DAB2IP: variants seen among roughly 807,000 people sequenced by gnomAD.
DAB2IP encodes the protein DAB2 interacting protein, also known as disabled homolog 2-interacting protein.
Under a neutral mutation model 107.2 loss-of-function variants are expected in DAB2IP, and 28 were observed. That is an observed-to-expected ratio of 0.26 (90% CI 0.19 to 0.36). The LOEUF (loss-of-function observed/expected upper bound fraction) is 0.36. Among genes scored for constraint, DAB2IP ranks in the 10% least tolerant of loss-of-function variants. DAB2IP has a pLI of 1.00. For synonymous variants in DAB2IP, 755 were observed against 706.4 expected (o/e 1.07, Z -1.09); for missense variants, 1,400 against 1,644.7 (o/e 0.85, Z 2.57).
chr9:121,712,610 T>A (rs902250749), intron 3 of DAB2IP, among the ~76,000 whole-genome samples: 2 of 152,160 alleles, frequency 1.3e-5, no homozygotes, highest in African/African-American at 4.8e-5. Context: ...TGTCTCCCTT[T>A]CATGCTAGAA....
chr9:121,753,307 C>T (rs1485403494), intron 3 of DAB2IP, among the ~76,000 whole-genome samples: 5 of 152,192 alleles, frequency 3.3e-5, no homozygotes, highest in African/African-American at 4.8e-5. Context: ...GGTGCCACCT[C>T]GCCTAGGGGA....
chr9:121,766,742 C>T lies in DAB2IP; in HGVS notation c.1697+12C>T, dbSNP rs1276088373. ...GCCAACTTTGCCAAGTGAGTGCCTC[C>T]TCCCTCACCAGGCAGAGTTGGGCAG... On this transcript the variant is annotated intron_variant, in intron 9 of 15. Coordinates refer to ENST00000408936, the Ensembl canonical transcript of DAB2IP. The T allele has an allele frequency of 1.9e-6, 3 of 1,613,276 alleles. No individual in the cohort carries two copies. Among genetic ancestry groups the T allele is most frequent in the African/African-American group, 1.3e-5 (1 of 75,032 alleles).
At chr9:121,668,907 C>CTTTTTTT (rs377320590) in intron 1 of DAB2IP, among the ~76,000 whole-genome samples, 17 of 72,146 alleles carry the variant, frequency 2.4e-4, no homozygotes, top group Non-Finnish European at 3.2e-4. Context: ...GTAAGCCTTA[C>CTTTTTTT]TTTTTTTTTT....
Position 121,725,180 on chromosome 9 carries a change from T to C in DAB2IP, c.362+25722T>C, listed in dbSNP as rs187603085. Among the ~76,000 whole-genome samples, 3 of 152,270 alleles carry C rather than the reference T, an allele frequency of 2.0e-5. 1 individual carries two copies. The highest frequency in any genetic ancestry group is 2.0e-4 in the Admixed American group (3 of 15,292). On this transcript the variant is annotated intron_variant, in intron 3 of 15. Transcript: ENST00000408936. ...GTGTGTGTGCGCGCGTGTGTATGTG[T>C]GTGTGTGTCCAGCCTTGCTGTTTGC... is the stretch of plus-strand genomic sequence containing the variant.
intron 1 of DAB2IP, among the ~76,000 whole-genome samples, chr9:121,621,984 C>CTTTTTTTTTTTTT (rs1202929145): frequency 7.0e-5 from 7 of 99,716 alleles, no homozygotes; most frequent in African/African-American, 8.6e-5. Flanking sequence ...TTTTTTCTTT[C>CTTTTTTTTTTTTT]TTTTTTTTTT....
chr9:121,750,177 G>A lies in DAB2IP; in HGVS notation c.363-6836G>A, dbSNP rs78290280. Among the ~76,000 whole-genome samples, 1,375 of 152,280 alleles carry A rather than the reference G, an allele frequency of 9.0e-3. 23 individuals carry two copies. The highest frequency in any genetic ancestry group is 0.031 in the African/African-American group (1,292 of 41,542). On this transcript the variant is annotated intron_variant, in intron 3 of 15. Transcript: ENST00000408936. ...TGGGGAAACTGAGTCCTAGAGAGTC[G>A]AATGACTTAAAGTATCCAAGGTTGT...
chr9:121,749,408 G>A (rs1427762369), intron 3 of DAB2IP, among the ~76,000 whole-genome samples: 3 of 152,240 alleles, frequency 2.0e-5, no homozygotes, highest in Non-Finnish European at 4.4e-5. Flanking sequence ...TGATTGGCAT[G>A]TTCTGACCTG....
intron 1 of DAB2IP, among the ~76,000 whole-genome samples, chr9:121,592,075 C>G (rs1269133271): frequency 6.6e-6 from 1 of 152,106 alleles, no homozygotes; most frequent in South Asian, 2.1e-4. Flanking sequence ...TTAGGAAATA[C>G]TGCAGATCTG....
intron 1 of DAB2IP, among the ~76,000 whole-genome samples, chr9:121,669,977 A>G (rs1238650499): frequency 6.6e-6 from 1 of 152,158 alleles, no homozygotes; most frequent in Non-Finnish European, 1.5e-5. Flanking sequence ...TCATGTATGT[A>G]GATTTGAGTA....
chr9:121,626,555 C>G (rs1361424143), intron 1 of DAB2IP, among the ~76,000 whole-genome samples: 1 of 151,520 alleles, frequency 6.6e-6, no homozygotes, highest in African/African-American at 2.4e-5. Flanking sequence ...TCCCGAGTAG[C>G]TGGGATTACA....
chr9:121,738,848 C>T (rs1046210719), intron 3 of DAB2IP, among the ~76,000 whole-genome samples: 1 of 152,224 alleles, frequency 6.6e-6, no homozygotes, highest in African/African-American at 2.4e-5. Context: ...CAGACCCTCT[C>T]TTAAGACACA....
intron 1 of DAB2IP, among the ~76,000 whole-genome samples, chr9:121,586,863 T>C (rs1266343940): frequency 6.6e-6 from 1 of 152,084 alleles, no homozygotes; most frequent in African/African-American, 2.4e-5. Flanking sequence ...ATCATCTTAA[T>C]ACAGGAAATT....
intron 1 of DAB2IP, among the ~76,000 whole-genome samples, chr9:121,644,993 G>A (rs972460559): frequency 2.0e-5 from 3 of 152,250 alleles, no homozygotes; most frequent in African/African-American, 7.2e-5. Flanking sequence ...AGGCAGGCCT[G>A]CTTGAGAAGG....
chr9:121,768,880 C>T (rs909146851), intron 10 of DAB2IP, among the ~76,000 whole-genome samples: 12 of 152,214 alleles, frequency 7.9e-5, no homozygotes, highest in African/African-American at 2.9e-4. Context: ...CGCATGCACT[C>T]AGCCTTTAGT....
intron 11 of DAB2IP, among the ~76,000 whole-genome samples, chr9:121,771,545 G>T (rs1307499664): frequency 1.3e-5 from 2 of 152,146 alleles, no homozygotes; most frequent in African/African-American, 4.8e-5. Flanking sequence ...CTTGCATTGG[G>T]TCTGTTCAGT....
chr9:121,592,743 A>G (rs1200723815), intron 1 of DAB2IP, among the ~76,000 whole-genome samples: 1 of 152,336 alleles, frequency 6.6e-6, no homozygotes, highest in African/African-American at 2.4e-5. Context: ...TTGCAGATAT[A>G]GTGCAGACGA....
Position 121,699,670 on chromosome 9 carries a change from AAGAG to A in DAB2IP, c.362+215_362+218del, listed in dbSNP as rs1271869549. 6.6e-6 allele frequency among the ~76,000 whole-genome samples: 1 copy of A among 151,798 alleles called. No individual in the cohort carries two copies. The highest frequency in any genetic ancestry group is 6.5e-5 in the Admixed American group (1 of 15,272). ...CCTCCCTCCGGGGTTAGGTGAGTAG[AAGAG>A]AGGAGAGCAGAGGGTGCCCGCGGCG... On this transcript the variant is annotated intron_variant, in intron 3 of 15. Transcript: ENST00000408936. The surrounding 1 kb of genome is among the most constrained non-coding windows in gnomAD (Gnocchi z 6.2).
chr9:121,782,556 AG>A lies in DAB2IP; in HGVS notation c.*61del. The A allele has an allele frequency of 6.3e-7, 1 of 1,589,038 alleles. No homozygotes were observed. The highest frequency in any genetic ancestry group is 8.6e-7 in the Non-Finnish European group (1 of 1,163,816). ...GAGGGGGACTATGGTGGCCAAGGGCAGGGTCTCGGCCTGGGGAGGCACCCAC... is the reference window on the plus strand; with the variant it reads ...GAGGGGGACTATGGTGGCCAAGGGCAGGTCTCGGCCTGGGGAGGCACCCAC... On this transcript the variant is annotated 3_prime_UTR_variant, in exon 16 of 16. Coordinates refer to ENST00000408936, the Ensembl canonical transcript of DAB2IP. This position sits in a 1 kb window ranked among gnomAD's most constrained non-coding sequence, Gnocchi z 6.1.
intron 6 of DAB2IP, among the ~76,000 whole-genome samples, chr9:121,761,251 C>T (rs894367555): frequency 6.6e-6 from 1 of 152,238 alleles, no homozygotes; most frequent in African/African-American, 2.4e-5. Context: ...CATTTGCCAC[C>T]TGCCATTCAG....
Sources: allele counts gnomAD v4.1 joint callset (sites outside exome capture counted in the v4.1 genomes callset), GRCh38; gene constraint gnomAD v4.1.1; non-coding constraint Gnocchi (gnomAD v3.1); transcripts MANE v1.5; gene names NCBI Gene and HGNC (gene_info 2026-07-23, HGNC 2026-07-21).